Variants in RFX1 observed in about 807,000 individuals in gnomAD.
The protein encoded by RFX1 is regulatory factor X1.
Under a neutral mutation model 119.6 loss-of-function variants are expected in RFX1, and 42 were observed. The ratio of observed to expected loss-of-function variants is 0.35; its 90% CI spans 0.27 to 0.45. The LOEUF (loss-of-function observed/expected upper bound fraction) is 0.45. Among genes scored for constraint, RFX1 ranks in the 20% least tolerant of loss-of-function variants. RFX1 has a pLI of 1.00. For synonymous variants in RFX1, 628 were observed against 618.5 expected (o/e 1.02, Z -0.23); for missense variants, 1,118 against 1,368.1 (o/e 0.82, Z 2.88).
Position 13,990,871 on chromosome 19 carries a change from T to G in RFX1, c.319+2654A>C, listed in dbSNP as rs186913804. The stretch of plus-strand genomic sequence containing the variant: ...GGTGGCACATGCCTATAGTCCCAGC[T>G]ACTTGGGAGGCTGTGAGAGTATCAC... On this transcript the variant is annotated intron_variant, in intron 2 of 20. Coordinates refer to ENST00000254325, the MANE Select transcript of RFX1 (RefSeq NM_002918.5). This position sits in a 1 kb window ranked among gnomAD's most constrained non-coding sequence, Gnocchi z 4.1. Among the ~76,000 whole-genome samples the G allele has an allele frequency of 1.4e-4, 22 of 151,914 alleles. No individual in the cohort carries two copies. The highest frequency in any genetic ancestry group is 5.3e-4 in the African/African-American group (22 of 41,434).
At chr19:13,977,304 A>AT (rs1974278858) in intron 8 of RFX1, among the ~76,000 whole-genome samples, 1 of 151,758 alleles carries the variant, frequency 6.6e-6, no homozygotes, top group Admixed American at 6.6e-5. Flanking sequence ...AAAAAAAAAA[A>AT]CAAAAAAAAA....
chr19:13,975,799 G>A (rs1219390169), intron 8 of RFX1, among the ~76,000 whole-genome samples: 2 of 152,278 alleles, frequency 1.3e-5, no homozygotes, highest in African/African-American at 4.8e-5. Flanking sequence ...CCCAGGGGCT[G>A]TGGCTTTGGC....
At chr19:13,983,856 C>G (rs187022438) in intron 2 of RFX1, among the ~76,000 whole-genome samples, 12 of 152,308 alleles carry the variant, frequency 7.9e-5, no homozygotes, top group Admixed American at 7.8e-4. Context: ...GAAGTCAGAC[C>G]AGATAGGGTG....
intron 1 of RFX1, among the ~76,000 whole-genome samples, chr19:14,004,431 C>A (rs1975308884): frequency 6.6e-6 from 1 of 152,088 alleles, no homozygotes; most frequent in Non-Finnish European, 1.5e-5. Flanking sequence ...TCACTTGTAC[C>A]CGGGAGGCGG....
chr19:13,963,079 G>C (rs371009810), intron 19 of RFX1, 40 bp from the exon 20 acceptor site: 166 of 1,603,004 alleles, frequency 1.0e-4, no homozygotes, highest in Non-Finnish European at 1.3e-4. Flanking sequence ...GGGTCCCGCC[G>C]CCTGGCGCCC....
intron 2 of RFX1, 49 bp downstream of exon 2, chr19:13,993,476 C>T (rs367931126): frequency 7.7e-6 from 12 of 1,557,662 alleles, no homozygotes; most frequent in African/African-American, 1.4e-5. Flanking sequence ...TCTAGGCTAT[C>T]TGAACAACTC....
Position 13,980,756 on chromosome 19 carries a change from A to ATCCTCTCTGAGGTGGGCT in RFX1, c.622-68_622-67insAGCCCACCTCAGAGAGGA. On this transcript the variant is annotated intron_variant, in intron 5 of 20. Transcript: ENST00000254325. This position sits in a 1 kb window ranked among gnomAD's most constrained non-coding sequence, Gnocchi z 5.1. ...TGCATCCTCTCTGAGGTGGGCTCAC[A>ATCCTCTCTGAGGTGGGCT]CACACACCCTTCTCAGGAGAGCTGT... The ATCCTCTCTGAGGTGGGCT allele has an allele frequency of 1.1e-6, 1 of 933,620 alleles. No homozygotes were observed. The highest frequency in any genetic ancestry group is 1.6e-6 in the Non-Finnish European group (1 of 611,922). 57.8% of individuals were successfully genotyped at this position (933,620 alleles called of 1,614,324 possible). A position where few individuals can be genotyped will look rare whatever the true frequency, so the allele number is the denominator to read the frequency against.
chr19:13,977,305 C>CAAAAAAAAAAAAAAAAAA (rs955866585), intron 8 of RFX1, among the ~76,000 whole-genome samples: 1 of 144,842 alleles, frequency 6.9e-6, no homozygotes, highest in Non-Finnish European at 1.5e-5. Context: ...AAAAAAAAAA[C>CAAAAAAAAAAAAAAAAAA]AAAAAAAAAG....
At chr19:13,974,511 C>T (rs868409269) in intron 8 of RFX1, among the ~76,000 whole-genome samples, 1 of 152,104 alleles carries the variant, frequency 6.6e-6, no homozygotes, top group Non-Finnish European at 1.5e-5. Context: ...CAAGGCTTGT[C>T]GTCCCCCGAA....
chr19:13,984,112 G>GTGGGGTGGGGACCACAAGGGGCT lies in RFX1; in HGVS notation c.320-540_320-518dup, dbSNP rs546652911. Among the ~76,000 whole-genome samples the GTGGGGTGGGGACCACAAGGGGCT allele has an allele frequency of 9.1e-3, 1,384 of 152,268 alleles. 24 individuals are homozygous for GTGGGGTGGGGACCACAAGGGGCT. The highest frequency in any genetic ancestry group is 0.031 in the African/African-American group (1,301 of 41,530). ...CTCCCTCCCTGCCCCTCTGTCCTCA[G>GTGGGGTGGGGACCACAAGGGGCT]TGGGGTGGGGACCACAAGGGGCTTG... On this transcript the variant is annotated intron_variant, in intron 2 of 20. Coordinates refer to ENST00000254325, the MANE Select transcript of RFX1 (RefSeq NM_002918.5).
intron 1 of RFX1, among the ~76,000 whole-genome samples, chr19:14,002,002 G>T (rs867539889): frequency 5.3e-5 from 8 of 152,330 alleles, no homozygotes; most frequent in Middle Eastern, 3.4e-3. Flanking sequence ...CGGGCATGGT[G>T]GTGGGTGCCT....
chr19:13,962,585 C>G lies in RFX1; in HGVS notation c.*110G>C, dbSNP rs1202279809. On this transcript the variant is annotated 3_prime_UTR_variant, in exon 21 of 21. Transcript: ENST00000254325. ...CCCGGTCTTCCCTGTCTCGGAGTCC[C>G]CCTCCCTGCCCTGGCTGAGGCTGGA... 1 of 915,142 alleles carries G rather than the reference C, an allele frequency of 1.1e-6. No individual in the cohort carries two copies. The highest frequency in any genetic ancestry group is 1.8e-5 in the African/African-American group (1 of 56,572). 56.7% of individuals were successfully genotyped at this position (915,142 alleles called of 1,614,324 possible).
Position 13,986,879 on chromosome 19 carries a change from C to T in RFX1, c.320-3284G>A, listed in dbSNP as rs1235374522. Among the ~76,000 whole-genome samples the T allele has an allele frequency of 6.6e-6, 1 of 152,146 alleles. No homozygotes were observed. The highest frequency in any genetic ancestry group is 1.9e-4 in the East Asian group (1 of 5,182). On this transcript the variant is annotated intron_variant, in intron 2 of 20. Transcript: ENST00000254325. The surrounding 1 kb of genome is among the most constrained non-coding windows in gnomAD (Gnocchi z 4.2). ...TCCACCCTGGGGGCCTGGCCCCCTT[C>T]CCCATAGACAGATGGGGCCACCTGA...
In RFX1 at chr19:13,965,525, C is replaced by T; in HGVS notation, c.2135G>A (p.Arg712Gln). Residue 712 changes from arginine (R) to glutamine (Q), a missense_variant, in exon 16 of 21, where the codon CGG becomes CAG. Physicochemically the swap from Arg to Gln is conservative, Grantham distance 43 (BLOSUM62 1). Around this residue, in one of 5 missense-constraint regions of RFX1, gnomAD observed 338 missense variants for 508.9 expected, o/e 0.66. Coordinates refer to ENST00000254325, the MANE Select transcript of RFX1 (RefSeq NM_002918.5). The surrounding 1 kb of genome is among the most constrained non-coding windows in gnomAD (Gnocchi z 4.7). ...GCTCTCCAGGCTCTTGGCAAAGTTCCGGATCGCTTGGGTCAAGGCACCTGT... is the reference window on the plus strand; with the variant it reads ...GCTCTCCAGGCTCTTGGCAAAGTTCTGGATCGCTTGGGTCAAGGCACCTGT... ...PIPSALTQAI[R>Q]NFAKSLESWL... 6.2e-7 allele frequency: 1 copy of T among 1,612,576 alleles called. No individual in the cohort carries two copies. Among genetic ancestry groups the T allele is most frequent in the Non-Finnish European group, 8.5e-7 (1 of 1,179,452 alleles).
chr19:13,962,848 C>T lies in RFX1; in HGVS notation c.2787G>A (p.Glu929=). The T allele has an allele frequency of 1.3e-6, 2 of 1,527,566 alleles. No homozygotes were observed. Among genetic ancestry groups the T allele is most frequent in the East Asian group, 2.5e-5 (1 of 40,660 alleles). The allele number at this position is 1,527,566 out of a possible 1,614,324, so 94.6% of individuals were successfully genotyped here. A position where few individuals can be genotyped will look rare whatever the true frequency, so the allele number is the denominator to read the frequency against. ...LDPDKDEEEE[E]EEESEDELPQ... ...GCAGCTCGTCCTCGCTCTCCTCCTC[C>T]TCTTCTTCCTCCTCGTCTGGAACAC... The change falls in exon 21 of 21, where the codon GAG becomes GAA. Residue 929 remains glutamate (E), a synonymous_variant. Coordinates refer to ENST00000254325, the MANE Select transcript of RFX1 (RefSeq NM_002918.5).
Position 13,973,041 on chromosome 19 carries a change from G to T in RFX1, c.1016C>A (p.Thr339Asn). The change falls in exon 9 of 21, where the codon ACC becomes AAC. Residue 339 changes from threonine (T) to asparagine (N), a missense_variant. Physicochemically the swap from Thr to Asn is moderately conservative, Grantham distance 65. Transcript: ENST00000254325. The stretch of plus-strand genomic sequence containing the variant: ...GGAGGTGGCGGGGGTGCTGACCTGG[G>T]TGGCCGTGCCTGCGGCCTCGTAGTA... The part of the protein sequence containing the change: ...TSYYEAAGTA[T>N]QVSTPATSQA... 1.2e-6 allele frequency: 2 copies of T among 1,601,772 alleles called. No homozygotes were observed. Among genetic ancestry groups the T allele is most frequent in the Non-Finnish European group, 1.7e-6 (2 of 1,179,852 alleles).
rs1017090892 is a variant in RFX1 at position 13,986,534 on chromosome 19, G to A, written c.320-2939C>T. On this transcript the variant is annotated intron_variant, in intron 2 of 20. Coordinates refer to ENST00000254325, the MANE Select transcript of RFX1 (RefSeq NM_002918.5). This position sits in a 1 kb window ranked among gnomAD's most constrained non-coding sequence, Gnocchi z 4.2. ...CCCTCCACCACTGGGTCTGGCCCTC[G>A]CTGTGTTTCAGGGAGGAGAAGCCAG... Among the ~76,000 whole-genome samples the A allele has an allele frequency of 2.6e-5, 4 of 152,196 alleles. No individual in the cohort carries two copies. Among genetic ancestry groups the A allele is most frequent in the African/African-American group, 9.7e-5 (4 of 41,448 alleles).
intron 8 of RFX1, among the ~76,000 whole-genome samples, chr19:13,974,788 G>C (rs1354475978): frequency 6.6e-6 from 1 of 152,164 alleles, no homozygotes; most frequent in East Asian, 1.9e-4. Flanking sequence ...AATCACACCT[G>C]TAATCCCAGC....
chr19:13,982,380 G>GC, intron 4 of RFX1, 152 bp from the exon 5 acceptor site: 1 of 399,820 alleles, frequency 2.5e-6, no homozygotes, highest in Non-Finnish European at 4.3e-6. Flanking sequence ...CTCGGCTACT[G>GC]CCCCCACTTC....
Sources: allele counts gnomAD v4.1 joint callset (sites outside exome capture counted in the v4.1 genomes callset), GRCh38; gene constraint gnomAD v4.1.1; regional missense constraint gnomAD v4.1.1; non-coding constraint Gnocchi (gnomAD v3.1); transcripts MANE v1.5; gene names NCBI Gene and HGNC (gene_info 2026-07-23, HGNC 2026-07-21).